Variants in MMRN2 observed in about 807,000 individuals in gnomAD.
MMRN2 encodes multimerin 2, also known as multimerin-2.
Under a neutral mutation model 68.8 loss-of-function variants are expected in MMRN2, and 53 were observed. The ratio of observed to expected loss-of-function variants is 0.77; its 90% CI spans 0.62 to 0.97. The LOEUF (loss-of-function observed/expected upper bound fraction) is 0.97. Ranked by LOEUF, MMRN2 falls within the 50% of genes least tolerant of loss-of-function variation. The probability of loss-of-function intolerance (pLI) is 0.00; values close to 1 mark genes in which losing one functional copy is unlikely to be tolerated. For synonymous variants in MMRN2, 564 were observed against 551.6 expected (o/e 1.02, Z -0.32); for missense variants, 1,266 against 1,259.5 (o/e 1.01, Z -0.08).
At position 86,943,113 on chromosome 10, in the gene MMRN2, C is replaced by T. The variant is rs558451693; in HGVS notation, c.1671G>A (p.Ala557=). ...TCCGGAGCCGCGACGTGGCCGCCCGCGCCCGCTCGCCCTCCGCTTTGTGCG... is the reference window on the plus strand; with the variant it reads ...TCCGGAGCCGCGACGTGGCCGCCCGTGCCCGCTCGCCCTCCGCTTTGTGCG... ...VDAHKAEGER[A]RAATSRLRSQ... The change falls in exon 6 of 7, where the codon GCG becomes GCA. Residue 557 remains alanine (A), a synonymous_variant. Coordinates refer to ENST00000372027, the MANE Select transcript of MMRN2 (RefSeq NM_024756.3). This position sits in a 1 kb window ranked among gnomAD's most constrained non-coding sequence, Gnocchi z 4.2. 16 of 1,502,858 alleles carry T rather than the reference C, an allele frequency of 1.1e-5. No individual in the cohort carries two copies. Among genetic ancestry groups the T allele is most frequent in the South Asian group, 3.8e-5 (3 of 78,358 alleles). 93.1% of individuals were successfully genotyped at this position (1,502,858 alleles called of 1,614,324 possible).
Position 86,937,066 on chromosome 10 carries a change from TC to T in MMRN2, c.2526del (p.Lys843SerfsTer32). 1 of 1,614,208 alleles carries T rather than the reference TC, an allele frequency of 6.2e-7. No homozygotes were observed. The highest frequency in any genetic ancestry group is 8.5e-7 in the Non-Finnish European group (1 of 1,180,022). On this transcript the variant is annotated frameshift_variant, in exon 7 of 7. Transcript: ENST00000372027. LOFTEE classifies it low-confidence loss of function (END_TRUNC). ...ATGTTGATGTATGTGGTGTTGAACTTCACTGTCTGCAGGGCAGCCGTCCCTT... is the reference window on the plus strand; with the variant it reads ...ATGTTGATGTATGTGGTGTTGAACTTACTGTCTGCAGGGCAGCCGTCCCTT... ...FSEGTAALQTVKFNTTYINIG... is the reference protein window; with the variant it reads ...FSEGTAALQTXKFNTTYINIG...
chr10:86,945,594 T>C lies in MMRN2; in HGVS notation c.260A>G (p.Gln87Arg), dbSNP rs770191818. Residue 87 changes from glutamine to arginine, a missense_variant, in exon 2 of 7, where the codon CAG (glutamine) becomes CGG (arginine). Transcript: ENST00000372027. The stretch of plus-strand genomic sequence containing the variant: ...GACTTTCTGGCAGTCTGGAGCTCCC[T>C]GCGGACACGGCTGCTGCGAGTGGAT... Reference protein sequence around the residue: ...FLIHSQQPCPQGAPDCQKVKV... With the variant: ...FLIHSQQPCPRGAPDCQKVKV... 1 of 1,610,004 alleles carries C rather than the reference T, an allele frequency of 6.2e-7. No homozygotes were observed. The highest frequency in any genetic ancestry group is 8.5e-7 in the Non-Finnish European group (1 of 1,178,216).
chr10:86,945,822 A>G, intron 1 of MMRN2, 133 bp from the exon 2 acceptor site: 1 of 1,503,126 alleles, frequency 6.7e-7, no homozygotes, highest in Non-Finnish European at 8.9e-7. Context: ...CTGAGAAGAG[A>G]GCCTTCCGCA....
chr10:86,940,156 G>A (rs1364367197), intron 6 of MMRN2, among the ~76,000 whole-genome samples: 1 of 151,848 alleles, frequency 6.6e-6, no homozygotes, highest in African/African-American at 2.4e-5. Context: ...GGGATTAGGC[G>A]CCCGCCACCA....
At position 86,943,335 on chromosome 10, in the gene MMRN2, G is replaced by A. The variant is rs747848286; in HGVS notation, c.1449C>T (p.Ala483=). ...AGTCCTTCACGTACTTGATGAGGTC[G>A]GCATGGCCACCCTGCAGGTGCTGCA... ...LTLQHLQGGH[A]DLIKYVKDCN... The change falls in exon 6 of 7, where the codon GCC becomes GCT. Residue 483 remains alanine (A), a synonymous_variant. Coordinates refer to ENST00000372027, the MANE Select transcript of MMRN2 (RefSeq NM_024756.3). This position sits in a 1 kb window ranked among gnomAD's most constrained non-coding sequence, Gnocchi z 4.2. 5 of 1,613,756 alleles carry A rather than the reference G, an allele frequency of 3.1e-6. No individual in the cohort carries two copies. Among genetic ancestry groups the A allele is most frequent in the Non-Finnish European group, 4.2e-6 (5 of 1,179,996 alleles).
At chr10:86,954,935 T>C (rs113924998) in intron 1 of MMRN2, among the ~76,000 whole-genome samples, 9,607 of 152,130 alleles carry the variant, frequency 0.063, 322 homozygotes, top group Middle Eastern at 0.11. Context: ...CCTCCAGTCA[T>C]ATGCTGGACT....
rs758587039 is a variant in MMRN2, at chr10:86,942,338, C to T, written c.2446G>A (p.Gly816Ser). ...RVTGPVPGALGAALWEAGSPV... is the reference protein window; with the variant it reads ...RVTGPVPGALSAALWEAGSPV... ...TCACCTGCCTCCCAGAGCGCCGCGC[C>T]CAAGGCACCTGGCACAGGCCCTGTG... Residue 816 changes from glycine to serine, a missense_variant, in exon 6 of 7, where the codon GGC becomes AGC. Physicochemically the swap from Gly to Ser is moderately conservative, Grantham distance 56. Transcript: ENST00000372027. 6.2e-7 allele frequency: 1 copy of T among 1,612,704 alleles called. No individual in the cohort carries two copies. The highest frequency in any genetic ancestry group is 8.5e-7 in the Non-Finnish European group (1 of 1,179,066).
intron 6 of MMRN2, among the ~76,000 whole-genome samples, chr10:86,938,911 C>A (rs1432589727): frequency 6.6e-6 from 1 of 152,172 alleles, no homozygotes; most frequent in South Asian, 2.1e-4. Flanking sequence ...GCCTGTAATC[C>A]CAGCACTTTG....
Position 86,942,730 on chromosome 10 carries a change from C to T in MMRN2, c.2054G>A (p.Gly685Asp), listed in dbSNP as rs754607413. Residue 685 changes from glycine to aspartate, a missense_variant, in exon 6 of 7, where the codon GGC becomes GAC. By Grantham distance (94) the Gly-to-Asp change is moderately conservative. Transcript: ENST00000372027. ...GGCGGTGGTGGCGGCCTCCTCGCGG[C>T]CCGCGTCGTGGCTGGGCTCCAGGTG... ...AEHLEPSHDA[G>D]REEAATTALA... The T allele has an allele frequency of 3.4e-5, 48 of 1,432,102 alleles. No individual in the cohort carries two copies. The African/African-American group carries it at 5.8e-4, about 17-fold the overall frequency. 88.7% of individuals were successfully genotyped at this position (1,432,102 alleles called of 1,614,324 possible). A position where few individuals can be genotyped will look rare whatever the true frequency, so the allele number is the denominator to read the frequency against.
intron 6 of MMRN2, among the ~76,000 whole-genome samples, chr10:86,939,644 G>C (rs1443469507): frequency 6.6e-6 from 1 of 151,844 alleles, no homozygotes; most frequent in Admixed American, 6.5e-5. Context: ...GGGCGCCTGC[G>C]CAGGGAGTTC....
chr10:86,939,796 G>C (rs1843937466), intron 6 of MMRN2, among the ~76,000 whole-genome samples: 1 of 150,056 alleles, frequency 6.7e-6, no homozygotes, highest in African/African-American at 2.5e-5. Flanking sequence ...ACAAATAAAG[G>C]GAAATTTGGG....
At position 86,943,166 on chromosome 10, in the gene MMRN2, C is replaced by A; in HGVS notation, c.1618G>T (p.Val540Leu). ...GSSLQALQNA[V>L]DAVSLAVDAH... Reference sequence around the variant, plus strand: ...TCCACGGCCAGCGACACGGCGTCCACGGCGTTCTGCAGGGCCTGCAGGGAG... The same window carrying A: ...TCCACGGCCAGCGACACGGCGTCCAAGGCGTTCTGCAGGGCCTGCAGGGAG... The change falls in exon 6 of 7, where the codon GTG becomes TTG. Residue 540 changes from valine to leucine, a missense_variant. Coordinates refer to ENST00000372027, the MANE Select transcript of MMRN2 (RefSeq NM_024756.3). The surrounding 1 kb of genome is among the most constrained non-coding windows in gnomAD (Gnocchi z 4.2). 1 of 1,604,672 alleles carries A rather than the reference C, an allele frequency of 6.2e-7. No individual in the cohort carries two copies. The highest frequency in any genetic ancestry group is 8.5e-7 in the Non-Finnish European group (1 of 1,176,262).
In MMRN2 at chr10:86,936,939, C is replaced by T; in HGVS notation, c.2654G>A (p.Gly885Glu). ...SVEFGPGPGTGQLVFGGHHRT... is the reference protein window; with the variant it reads ...SVEFGPGPGTEQLVFGGHHRT... ...ATGGTGACCTCCAAACACCAGCTGC[C>T]CGGTGCCTGGCCCTGGGCCAAATTC... Residue 885 changes from glycine to glutamate, a missense_variant, in exon 7 of 7, where the codon GGG (glycine) becomes GAG (glutamate). Transcript: ENST00000372027. 1 of 1,614,244 alleles carries T rather than the reference C, an allele frequency of 6.2e-7. No individual in the cohort carries two copies. The highest frequency in any genetic ancestry group is 1.6e-4 in the Middle Eastern group (1 of 6,062).
Position 86,945,441 on chromosome 10 carries a change from T to G in MMRN2, c.329A>C (p.Lys110Thr), listed in dbSNP as rs1291739693. ...GGCCAAAGAGGTCAGCACCTTCTGC[T>G]TGACCTGGTACACTGGCTTGTGGGC... ...RMAHKPVYQV[K>T]QKVLTSLAWR... The change falls in exon 3 of 7, where the codon AAG (lysine) becomes ACG (threonine). Residue 110 changes from lysine (K) to threonine (T), a missense_variant. Physicochemically the swap from Lys to Thr is moderately conservative, Grantham distance 78. Coordinates refer to ENST00000372027, the MANE Select transcript of MMRN2 (RefSeq NM_024756.3). 2 of 1,566,288 alleles carry G rather than the reference T, an allele frequency of 1.3e-6. No individual in the cohort carries two copies. The highest frequency in any genetic ancestry group is 1.7e-6 in the Non-Finnish European group (2 of 1,154,296).
chr10:86,942,841 A>G lies in MMRN2; in HGVS notation c.1943T>C (p.Leu648Pro). The change falls in exon 6 of 7, where the codon CTG becomes CCG. Residue 648 changes from leucine (L) to proline (P), a missense_variant. Transcript: ENST00000372027. Reference protein sequence around the residue: ...RVALQDAASGLQEQALGWDEL... With the variant: ...RVALQDAASGPQEQALGWDEL... ...GTCCCAGCCGAGCGCCTGCTCCTGC[A>G]GCCCGCTAGCGGCGTCCTGCAGGGC... 7.2e-7 allele frequency: 1 copy of G among 1,380,106 alleles called. No individual in the cohort carries two copies. Among genetic ancestry groups the G allele is most frequent in the Non-Finnish European group, 9.4e-7 (1 of 1,068,290 alleles). The allele number at this position is 1,380,106 out of a possible 1,614,324, so 85.5% of individuals were successfully genotyped here.
At chr10:86,950,276 G>A (rs1564734384) in intron 1 of MMRN2, among the ~76,000 whole-genome samples, 1 of 151,948 alleles carries the variant, frequency 6.6e-6, no homozygotes, top group South Asian at 2.1e-4. Context: ...GGAGGCAGAG[G>A]TTGTGGTGGG....
intron 1 of MMRN2, among the ~76,000 whole-genome samples, chr10:86,952,517 A>T (rs890148017): frequency 6.6e-6 from 1 of 152,248 alleles, no homozygotes; most frequent in Non-Finnish European, 1.5e-5. Flanking sequence ...CTGGGCCTCC[A>T]GGTGTGACAT....
chr10:86,936,805 A>G lies in MMRN2; in HGVS notation c.2788T>C (p.Ser930Pro), dbSNP rs777392132. ...CCCGACAGGCTTCTCTTTGTTATTG[A>G]TCCCTGGGTTAACTCAAACCATACT... ...ERVWFELTQGSITKRSLSGTA... is the reference protein window; with the variant it reads ...ERVWFELTQGPITKRSLSGTA... The change falls in exon 7 of 7, where the codon TCA becomes CCA. Residue 930 changes from serine (S) to proline (P), a missense_variant. Ser to Pro is a moderately conservative substitution (Grantham distance 74, BLOSUM62 -1). Coordinates refer to ENST00000372027, the MANE Select transcript of MMRN2 (RefSeq NM_024756.3). 6.2e-7 allele frequency: 1 copy of G among 1,614,120 alleles called. No individual in the cohort carries two copies. The highest frequency in any genetic ancestry group is 1.1e-5 in the South Asian group (1 of 91,070).
intron 6 of MMRN2, among the ~76,000 whole-genome samples, chr10:86,940,160 G>A (rs372247913): frequency 1.3e-5 from 2 of 151,728 alleles, no homozygotes; most frequent in African/African-American, 4.8e-5. Flanking sequence ...TTAGGCGCCC[G>A]CCACCACACC....
Sources: allele counts gnomAD v4.1 joint callset (sites outside exome capture counted in the v4.1 genomes callset), GRCh38; gene constraint gnomAD v4.1.1; non-coding constraint Gnocchi (gnomAD v3.1); transcripts MANE v1.5; gene names NCBI Gene and HGNC (gene_info 2026-07-23, HGNC 2026-07-21).